Variants in SKAP1 observed in about 807,000 individuals in gnomAD.
SKAP1 encodes src kinase-associated phosphoprotein 1.
In SKAP1, 44 loss-of-function variants were observed where a neutral mutation model predicts 58.5. That is an observed-to-expected ratio of 0.75 (90% CI 0.59 to 0.97). The LOEUF (loss-of-function observed/expected upper bound fraction) is 0.97, where lower values mean the gene tolerates loss of function less well. Among genes scored for constraint, SKAP1 ranks in the 50% least tolerant of loss-of-function variants. The pLI, the probability that SKAP1 is intolerant of heterozygous loss-of-function variation, is 0.00. For synonymous variants in SKAP1, 127 were observed against 149.7 expected, an observed-to-expected ratio of 0.85 and a Z score of 1.11; for missense variants, 390 against 435.2, an observed-to-expected ratio of 0.90 and a Z score of 0.92.
the SKAP1 span, among the ~76,000 whole-genome samples, chr17:48,441,140 A>G: frequency 6.6e-6 from 1 of 152,236 alleles, no homozygotes; most frequent in South Asian, 2.1e-4. Flanking sequence ...AAACAAACAA[A>G]AAAAGATTTG....
chr17:48,337,012 T>C (rs892731601), intron 4 of SKAP1, among the ~76,000 whole-genome samples: 2 of 152,194 alleles, frequency 1.3e-5, no homozygotes, highest in African/African-American at 4.8e-5. Context: ...CCATATAAGC[T>C]ATATTCTAAC....
chr17:48,220,328 A>C (rs2064987502), intron 4 of SKAP1, among the ~76,000 whole-genome samples: 3 of 152,242 alleles, frequency 2.0e-5, no homozygotes, highest in Admixed American at 2.0e-4. Context: ...AATGAAATAA[A>C]ATGAATAAAG....
At chr17:48,400,085 ATTTCTTTTTTCT>A (rs2067477392) in intron 1 of SKAP1, among the ~76,000 whole-genome samples, 1 of 148,870 alleles carries the variant, frequency 6.7e-6, no homozygotes. Flanking sequence ...AATCAACTGT[ATTTCTTTTTTCT>A]TTTCTTTTTT....
chr17:48,262,580 T>C (rs915853242), intron 4 of SKAP1, among the ~76,000 whole-genome samples: 4 of 152,228 alleles, frequency 2.6e-5, no homozygotes, highest in Non-Finnish European at 5.9e-5. Context: ...AAATAAACAA[T>C]GTATATTGTA....
At chr17:48,299,913 T>G (rs1405176279) in intron 4 of SKAP1, among the ~76,000 whole-genome samples, 3 of 152,026 alleles carry the variant, frequency 2.0e-5, no homozygotes, top group African/African-American at 7.2e-5. Context: ...GGAATGATGA[T>G]GAATAATCCT....
At chr17:48,289,312 A>G (rs539621510) in intron 4 of SKAP1, among the ~76,000 whole-genome samples, 6 of 152,240 alleles carry the variant, frequency 3.9e-5, no homozygotes, top group African/African-American at 9.6e-5. Flanking sequence ...AATTTGGTAT[A>G]TTTGGCATGT....
intron 3 of SKAP1, among the ~76,000 whole-genome samples, chr17:48,363,578 T>C (rs959751628): frequency 1.3e-5 from 2 of 152,128 alleles, no homozygotes; most frequent in South Asian, 4.1e-4. Flanking sequence ...CTAGCAACAG[T>C]CCACTCAGAA....
chr17:48,334,091 A>C (rs2066537808), intron 4 of SKAP1, among the ~76,000 whole-genome samples: 1 of 151,980 alleles, frequency 6.6e-6, no homozygotes, highest in African/African-American at 2.4e-5. Context: ...GTTTCCTAGG[A>C]AATTCCCTTC....
At chr17:48,180,383 A>G (rs1283162799) in intron 8 of SKAP1, 135 bp from the exon 9 acceptor site, 3 of 680,898 alleles carry the variant, frequency 4.4e-6, no homozygotes, top group Non-Finnish European at 7.1e-6. Flanking sequence ...GTTAAATGCT[A>G]TTATTTCTAA....
intron 4 of SKAP1, among the ~76,000 whole-genome samples, chr17:48,242,475 T>C (rs116683856): frequency 1.5e-3 from 230 of 152,326 alleles, no homozygotes; most frequent in African/African-American, 5.4e-3. Flanking sequence ...AACTGGCTGA[T>C]GGCTCGCATA....
chr17:48,395,605 T>C (rs1298264341), intron 2 of SKAP1, among the ~76,000 whole-genome samples: 2 of 152,214 alleles, frequency 1.3e-5, no homozygotes, highest in African/African-American at 2.4e-5. Flanking sequence ...AAACACTCTT[T>C]CAACCTACCA....
intron 4 of SKAP1, among the ~76,000 whole-genome samples, chr17:48,337,485 T>G (rs2066588742): frequency 6.6e-6 from 1 of 152,126 alleles, no homozygotes; most frequent in Admixed American, 6.6e-5. Context: ...ATCCTCTACA[T>G]AGCATCCAAA....
At chr17:48,425,590 T>C (rs2067846960) in intron 1 of SKAP1, among the ~76,000 whole-genome samples, 1 of 152,184 alleles carries the variant, frequency 6.6e-6, no homozygotes, top group Non-Finnish European at 1.5e-5. Context: ...TTTCAAAAAT[T>C]AAGCAAAAAA....
At chr17:48,312,920 G>C (rs115530482) in intron 4 of SKAP1, among the ~76,000 whole-genome samples, 3,370 of 152,226 alleles carry the variant, frequency 0.022, 117 homozygotes, top group African/African-American at 0.075. Context: ...TGTGTGATCA[G>C]TAACAAAGCA....
rs1224901446 is a variant in SKAP1 at position 48,189,492 on chromosome 17, C to T, written c.289G>A (p.Asp97Asn). The T allele has an allele frequency of 1.2e-6, 2 of 1,611,110 alleles. No homozygotes were observed. The highest frequency in any genetic ancestry group is 1.7e-6 in the Non-Finnish European group (2 of 1,179,000). Residue 97 changes from aspartate to asparagine, a missense_variant, in exon 5 of 13, where the codon GAC (aspartate) becomes AAC (asparagine). Coordinates refer to ENST00000336915, the MANE Select transcript of SKAP1 (RefSeq NM_003726.4). The stretch of plus-strand genomic sequence containing the variant: ...AGTTCTTGAGCTCCTTTTACGATGT[C>T]TTCCATTCCTAAAAGGACCAATGGC... ...LSDYQDEGME[D>N]IVKGAQELDN...
At chr17:48,133,948 A>G (rs1013631268) in intron 12 of SKAP1, 132 bp from the exon 13 acceptor site, 6 of 152,214 alleles carry the variant, frequency 3.9e-5, no homozygotes, top group Non-Finnish European at 7.3e-5. Flanking sequence ...CCATGTTATC[A>G]TTTCATGTCT....
chr17:48,329,447 A>G (rs2066477318), intron 4 of SKAP1, among the ~76,000 whole-genome samples: 1 of 152,192 alleles, frequency 6.6e-6, no homozygotes, highest in African/African-American at 2.4e-5. Flanking sequence ...GCTCACGCCT[A>G]TAATCCCAGA....
chr17:48,394,523 TAGAG>T (rs942711568), intron 2 of SKAP1, among the ~76,000 whole-genome samples: 14 of 152,092 alleles, frequency 9.2e-5, no homozygotes, highest in Admixed American at 2.6e-4. Flanking sequence ...TTATTTTTTG[TAGAG>T]AGAGAGTTTT....
chr17:48,303,689 A>G (rs898853382), intron 4 of SKAP1, among the ~76,000 whole-genome samples: 1 of 152,234 alleles, frequency 6.6e-6, no homozygotes. Flanking sequence ...ATATCTGTAG[A>G]ATACACAGGC....
Sources: allele counts gnomAD v4.1 joint callset (sites outside exome capture counted in the v4.1 genomes callset), GRCh38; gene constraint gnomAD v4.1.1; transcripts MANE v1.5; gene names NCBI Gene and HGNC (gene_info 2026-07-23, HGNC 2026-07-21).